The following GNB5 variants were observed in gnomAD, a reference collection of about 807,000 sequenced individuals.
The protein encoded by GNB5 is guanine nucleotide-binding protein subunit beta-5.
GNB5 carries 37 observed loss-of-function variants against 55.3 expected under a neutral mutation model. The observed-to-expected ratio is 0.67, with a 90% CI of 0.51 to 0.88. GNB5 has a LOEUF of 0.88. Ranked by LOEUF, GNB5 falls within the 40% of genes least tolerant of loss-of-function variation. GNB5 has a pLI of 0.00. For synonymous variants in GNB5, 219 were observed against 198.5 expected (o/e 1.10, Z -0.87); for missense variants, 476 against 515.3 (o/e 0.92, Z 0.74).
chr15:52,170,056 A>G (rs1158685517), intron 3 of GNB5, among the ~76,000 whole-genome samples: 2 of 152,178 alleles, frequency 1.3e-5, no homozygotes, highest in African/African-American at 4.8e-5. Context: ...AAAAGTCAAG[A>G]AGTAACAGAT....
intron 9 of GNB5, chr15:52,128,490 CAG>C (rs370793774): frequency 1.6e-6 from 1 of 617,820 alleles, no homozygotes; most frequent in African/African-American, 1.8e-5. Flanking sequence ...GCACAGAACA[CAG>C]AGTAGACCCC....
chr15:52,125,788 A>G, intron 11 of GNB5, 160 bp downstream of exon 11: 1 of 592,136 alleles, frequency 1.7e-6, no homozygotes, highest in Non-Finnish European at 3.0e-6. Context: ...GTGGGAGGTC[A>G]GAAGCTCAGA....
At chr15:52,181,734 A>G (rs1392657676) in intron 2 of GNB5, among the ~76,000 whole-genome samples, 1 of 152,176 alleles carries the variant, frequency 6.6e-6, no homozygotes, top group Admixed American at 6.5e-5. Context: ...TTCCGTTCCC[A>G]TCCGTATAAT....
chr15:52,147,758 T>A (rs1466083303), intron 5 of GNB5, among the ~76,000 whole-genome samples: 1 of 152,076 alleles, frequency 6.6e-6, no homozygotes, highest in Non-Finnish European at 1.5e-5. Context: ...AATTTTTGTA[T>A]TTTTAGTAAA....
intron 3 of GNB5, among the ~76,000 whole-genome samples, chr15:52,158,206 T>A (rs1362488556): frequency 6.6e-6 from 1 of 152,044 alleles, no homozygotes; most frequent in Non-Finnish European, 1.5e-5. Context: ...GGGGCTTGGG[T>A]CAAAGCCTGG....
intron 1 of GNB5, among the ~76,000 whole-genome samples, chr15:52,185,797 T>C (rs2034838859): frequency 6.7e-6 from 1 of 148,460 alleles, no homozygotes; most frequent in South Asian, 2.1e-4. Flanking sequence ...TTATTATTAT[T>C]TGGGACAGTA....
At chr15:52,178,129 G>A (rs1430134440) in intron 3 of GNB5, among the ~76,000 whole-genome samples, 1 of 152,192 alleles carries the variant, frequency 6.6e-6, no homozygotes, top group African/African-American at 2.4e-5. Context: ...TCTGCATGAA[G>A]CTCAAAACGG....
At chr15:52,128,351 G>C (rs2033481041) in intron 9 of GNB5, 107 bp from the exon 10 acceptor site, 2 of 760,236 alleles carry the variant, frequency 2.6e-6, no homozygotes, top group Admixed American at 4.3e-5. Context: ...AGGGACTCAA[G>C]GAACATTTGC....
At chr15:52,159,748 G>A (rs1295975339) in intron 3 of GNB5, among the ~76,000 whole-genome samples, 1 of 152,266 alleles carries the variant, frequency 6.6e-6, no homozygotes, top group East Asian at 1.9e-4. Flanking sequence ...CAGTCTGGAG[G>A]GGGCAGACAG....
chr15:52,135,130 C>T (rs1337403528), intron 8 of GNB5, among the ~76,000 whole-genome samples: 2 of 151,976 alleles, frequency 1.3e-5, no homozygotes, highest in Admixed American at 1.3e-4. Flanking sequence ...AGGATGGTGG[C>T]TGGCAGGGGT....
At chr15:52,172,477 T>C (rs537774644) in intron 3 of GNB5, among the ~76,000 whole-genome samples, 22 of 152,088 alleles carry the variant, frequency 1.4e-4, no homozygotes, top group African/African-American at 5.3e-4. Context: ...ATTTTTCCCT[T>C]ATTATAAAAA....
At chr15:52,137,836 G>A in intron 7 of GNB5, 1 of 1,283,910 alleles carries the variant, frequency 7.8e-7, no homozygotes, top group Non-Finnish European at 1.0e-6. Context: ...AGCTCTCCCT[G>A]CCTTCTGGCT....
At chr15:52,146,413 G>C (rs546341029) in intron 6 of GNB5, among the ~76,000 whole-genome samples, 1 of 152,106 alleles carries the variant, frequency 6.6e-6, no homozygotes, top group Non-Finnish European at 1.5e-5. Context: ...AGGGAATAAG[G>C]CACACTCTTC....
chr15:52,139,296 G>T (rs556682329), intron 7 of GNB5, among the ~76,000 whole-genome samples: 2 of 152,190 alleles, frequency 1.3e-5, no homozygotes, highest in South Asian at 4.2e-4. Context: ...ACAAAAATTA[G>T]CCAGGCATGG....
At chr15:52,141,061 G>T in intron 7 of GNB5, 79 bp downstream of exon 7, 4 of 1,280,238 alleles carry the variant, frequency 3.1e-6, no homozygotes, top group South Asian at 1.2e-5. Flanking sequence ...TCAGAGAGAC[G>T]CCGAAAGCTT....
chr15:52,185,842 A>G (rs1273927250), intron 1 of GNB5, among the ~76,000 whole-genome samples: 1 of 151,090 alleles, frequency 6.6e-6, no homozygotes, highest in African/African-American at 2.4e-5. Flanking sequence ...GCAGTGGCAC[A>G]ATCTTGGCTC....
chr15:52,139,859 G>C (rs1016310670), intron 7 of GNB5: 8 of 1,286,088 alleles, frequency 6.2e-6, no homozygotes, highest in Non-Finnish European at 7.1e-6. Context: ...GGGCAACACA[G>C]AGCGAGTCTG....
chr15:52,159,984 G>C (rs1430594128), intron 3 of GNB5, among the ~76,000 whole-genome samples: 2 of 150,474 alleles, frequency 1.3e-5, no homozygotes, highest in African/African-American at 2.5e-5. Flanking sequence ...GTCTCACTCT[G>C]TTGCCTAGGC....
intron 7 of GNB5, chr15:52,136,888 C>T (rs1242001862): frequency 2.4e-6 from 1 of 422,272 alleles, no homozygotes; most frequent in Non-Finnish European, 4.7e-6. Flanking sequence ...TATGTTAAAC[C>T]ATATTGAGAC....
Sources: gnomAD v4.1 joint callset for allele counts (sites outside exome capture counted in the v4.1 genomes callset) on GRCh38, gnomAD v4.1.1 for gene constraint, MANE v1.5 for transcripts, NCBI Gene and HGNC (gene_info 2026-07-23, HGNC 2026-07-21) for gene names.